Variants in ATP9B observed in about 807,000 individuals in gnomAD.
The protein encoded by ATP9B is ATPase phospholipid transporting 9B.
A neutral mutation model predicts 146.1 loss-of-function variants in ATP9B; 110 were observed. That is an observed-to-expected ratio of 0.75 (90% confidence interval 0.65 to 0.88). ATP9B has a LOEUF of 0.88. Ranked by LOEUF, ATP9B falls within the 40% of genes least tolerant of loss-of-function variation. ATP9B has a pLI of 0.00. For synonymous variants in ATP9B, 604 were observed against 569.7 expected, an observed-to-expected ratio of 1.06 and a Z score of -0.86; for missense variants, 1,499 against 1,496.4, an observed-to-expected ratio of 1.00 and a Z score of -0.03.
chr18:79,289,459 G>C (rs1246274737), intron 13 of ATP9B, among the ~76,000 whole-genome samples: 3 of 152,122 alleles, frequency 2.0e-5, no homozygotes, highest in African/African-American at 7.2e-5. Flanking sequence ...TTGGCTTTCA[G>C]CTCCATCAGC....
intron 19 of ATP9B, among the ~76,000 whole-genome samples, chr18:79,339,784 G>A (rs1038652859): frequency 2.0e-5 from 3 of 152,072 alleles, no homozygotes; most frequent in Non-Finnish European, 2.9e-5. Flanking sequence ...ATCGCAGTAG[G>A]AAGTGCATGA....
intron 9 of ATP9B, among the ~76,000 whole-genome samples, chr18:79,202,926 T>G (rs935143138): frequency 6.6e-6 from 1 of 152,262 alleles, no homozygotes; most frequent in Non-Finnish European, 1.5e-5. Flanking sequence ...CTAAAATTTT[T>G]ATGTTTTTTA....
At chr18:79,291,272 G>A (rs2146153849) in intron 13 of ATP9B, among the ~76,000 whole-genome samples, 1 of 152,094 alleles carries the variant, frequency 6.6e-6, no homozygotes, top group African/African-American at 2.4e-5. Context: ...TGACGTGACG[G>A]CACTCTTACT....
intron 3 of ATP9B, among the ~76,000 whole-genome samples, chr18:79,110,876 G>A (rs1621326): frequency 0.13 from 20,053 of 152,126 alleles, 1,919 homozygotes; most frequent in African/African-American, 0.27. Flanking sequence ...AACAGTAAAT[G>A]TAATGTTTAA....
intron 15 of ATP9B, among the ~76,000 whole-genome samples, chr18:79,311,838 G>T (rs2096654109): frequency 6.6e-6 from 1 of 152,154 alleles, no homozygotes; most frequent in African/African-American, 2.4e-5. Flanking sequence ...TGATGGGACA[G>T]CCCTGCATCG....
At chr18:79,373,584 G>C (rs2097085879) in intron 27 of ATP9B, among the ~76,000 whole-genome samples, 1 of 151,352 alleles carries the variant, frequency 6.6e-6, no homozygotes, top group South Asian at 2.1e-4. Flanking sequence ...CCGTCTCCTG[G>C]GTTCAAATGA....
At chr18:79,223,953 G>A (rs2095704882) in intron 11 of ATP9B, among the ~76,000 whole-genome samples, 2 of 152,146 alleles carry the variant, frequency 1.3e-5, no homozygotes, top group South Asian at 2.1e-4. Flanking sequence ...GAAAACAGGT[G>A]CTCCAAATAA....
At chr18:79,196,748 A>G (rs187146315) in intron 9 of ATP9B, among the ~76,000 whole-genome samples, 1 of 152,362 alleles carries the variant, frequency 6.6e-6, no homozygotes, top group East Asian at 1.9e-4. Flanking sequence ...CAGAAAGCCT[A>G]AAGGAAAGAT....
chr18:79,243,721 T>G (rs1323842793), intron 11 of ATP9B, among the ~76,000 whole-genome samples: 1 of 152,266 alleles, frequency 6.6e-6, no homozygotes, highest in East Asian at 1.9e-4. Context: ...ATTGTCATTT[T>G]GTGGTGGTTT....
At chr18:79,326,556 G>A (rs1210693437) in intron 15 of ATP9B, among the ~76,000 whole-genome samples, 1 of 151,924 alleles carries the variant, frequency 6.6e-6, no homozygotes, top group Non-Finnish European at 1.5e-5. Context: ...CCCTGCACAT[G>A]GTGTTAAGTG....
chr18:79,376,214 C>CACACACACACACAAAAA lies in ATP9B; in HGVS notation c.3307+789_3307+790insCACACACACACAAAAAA. The CACACACACACACAAAAA allele has an allele frequency of 1.3e-4, 117 of 884,602 alleles. 1 individual carries two copies. Among genetic ancestry groups the CACACACACACACAAAAA allele is most frequent in the Non-Finnish European group, 1.4e-4 (106 of 754,648 alleles). The allele number at this position is 884,602 out of a possible 1,614,324, so 54.8% of individuals were successfully genotyped here. On this transcript the variant is annotated intron_variant, in intron 29 of 29. Coordinates refer to ENST00000426216, the MANE Select transcript of ATP9B (RefSeq NM_198531.5). ...ACACACACACACACACACACACACA[C>CACACACACACACAAAAA]AAAACAAAACAAAAAAATGGCTAGC...
At chr18:79,317,946 A>T (rs1480548881) in intron 15 of ATP9B, among the ~76,000 whole-genome samples, 1 of 152,242 alleles carries the variant, frequency 6.6e-6, no homozygotes, top group Non-Finnish European at 1.5e-5. Flanking sequence ...ATGGCAGGGG[A>T]TGTGTCGGAG....
chr18:79,188,058 G>A (rs1247111990), intron 8 of ATP9B, among the ~76,000 whole-genome samples: 1 of 152,088 alleles, frequency 6.6e-6, no homozygotes, highest in Non-Finnish European at 1.5e-5. Flanking sequence ...CCCCTTTTCT[G>A]AAAGGATTAT....
intron 26 of ATP9B, chr18:79,360,692 A>G (rs1055490871): frequency 6.6e-6 from 1 of 152,230 alleles, no homozygotes; most frequent in Non-Finnish European, 1.5e-5. Flanking sequence ...AGTTTCTTGA[A>G]AAAAATAAAG....
chr18:79,133,464 T>C (rs954352767), intron 5 of ATP9B, among the ~76,000 whole-genome samples: 1 of 151,898 alleles, frequency 6.6e-6, no homozygotes, highest in Non-Finnish European at 1.5e-5. Context: ...TGGACCAAGG[T>C]AGATATACTC....
At chr18:79,168,292 G>A (rs1467303582) in intron 7 of ATP9B, among the ~76,000 whole-genome samples, 3 of 152,150 alleles carry the variant, frequency 2.0e-5, no homozygotes, top group African/African-American at 4.8e-5. Context: ...CGGGGGGATA[G>A]ATTTCCTAGA....
intron 13 of ATP9B, among the ~76,000 whole-genome samples, chr18:79,302,667 G>C (rs931371583): frequency 1.3e-5 from 2 of 152,188 alleles, no homozygotes; most frequent in African/African-American, 4.8e-5. Context: ...AGGGAGGACT[G>C]TGGTACTTGA....
chr18:79,074,484 C>T (rs936179371), intron 1 of ATP9B, among the ~76,000 whole-genome samples: 24 of 152,222 alleles, frequency 1.6e-4, no homozygotes, highest in African/African-American at 5.8e-4. Flanking sequence ...TGGACTGGGC[C>T]CCTTATGTGG....
chr18:79,326,167 T>C (rs1245393482), intron 15 of ATP9B, among the ~76,000 whole-genome samples: 1 of 5,886 alleles, frequency 1.7e-4, no homozygotes, highest in Non-Finnish European at 3.3e-4. Context: ...GTCATCTCTG[T>C]ACCCTCCCTC....
Sources: allele counts gnomAD v4.1 joint callset (sites outside exome capture counted in the v4.1 genomes callset), GRCh38; gene constraint gnomAD v4.1.1; transcripts MANE v1.5; gene names NCBI Gene and HGNC (gene_info 2026-07-23, HGNC 2026-07-21).